The following SPATA17 variants were observed in gnomAD, a reference collection of about 807,000 sequenced individuals.
SPATA17 encodes spermatogenesis associated 17.
Under a neutral mutation model 62.2 loss-of-function variants are expected in SPATA17, and 53 were observed. The observed-to-expected ratio is 0.85, with a 90% CI of 0.68 to 1.07. The LOEUF is 1.07. SPATA17 is among the 50% of genes least tolerant of loss of function. The pLI, the probability that SPATA17 is intolerant of heterozygous loss-of-function variation, is 0.00. For synonymous variants in SPATA17, 146 were observed against 146.8 expected (o/e 0.99, Z 0.04); for missense variants, 466 against 425.5 (o/e 1.10, Z -0.84).
At chr1:217,789,674 A>C (rs1673952377) in intron 8 of SPATA17, among the ~76,000 whole-genome samples, 1 of 152,212 alleles carries the variant, frequency 6.6e-6, no homozygotes, top group Non-Finnish European at 1.5e-5. Context: ...AGGAGCTTAC[A>C]GATGGTAGGT....
At chr1:217,761,987 A>G (rs775674417) in intron 6 of SPATA17, among the ~76,000 whole-genome samples, 2 of 152,156 alleles carry the variant, frequency 1.3e-5, no homozygotes, top group Non-Finnish European at 2.9e-5. Flanking sequence ...CTCCGTCCTC[A>G]TGCTGTTCCA....
chr1:217,801,836 T>C lies in SPATA17; in HGVS notation c.991T>C (p.Trp331Arg). The change falls in exon 9 of 11, where the codon TGG becomes CGG. Residue 331 changes from tryptophan to arginine, a missense_variant. Physicochemically the swap from Trp to Arg is moderately radical, Grantham distance 101. Transcript: ENST00000366933. The stretch of plus-strand genomic sequence containing the variant: ...ATTCCGAAGTGAAAATCCTAAGAAA[T>C]GGATCTGTGACAAGGTGAGTTAACA... ...EQFRSENPKK[W>R]ICDKDFQTVL... The C allele has an allele frequency of 5.0e-6, 8 of 1,607,708 alleles. No individual in the cohort carries two copies. The highest frequency in any genetic ancestry group is 6.8e-6 in the Non-Finnish European group (8 of 1,178,312).
At chr1:217,689,407 A>G (rs1048347232) in intron 5 of SPATA17, among the ~76,000 whole-genome samples, 2 of 151,344 alleles carry the variant, frequency 1.3e-5, no homozygotes, top group Non-Finnish European at 2.9e-5. Context: ...CATATTTTTA[A>G]TAGAGATGGG....
chr1:217,660,426 G>T (rs957970606), intron 3 of SPATA17, among the ~76,000 whole-genome samples: 1 of 152,176 alleles, frequency 6.6e-6, no homozygotes, highest in Admixed American at 6.5e-5. Context: ...CTGGATAAAT[G>T]ATTCACAGGG....
Position 217,721,075 on chromosome 1 carries a change from A to G in SPATA17, c.396-20900A>G, listed in dbSNP as rs559921666. On this transcript the variant is annotated intron_variant, in intron 5 of 10. Transcript: ENST00000366933. Reference sequence around the variant, plus strand: ...TTTATAGATAAGGCATCACACTCAGATGTACCATGAACTATAACAACTTTT... The same window carrying G: ...TTTATAGATAAGGCATCACACTCAGGTGTACCATGAACTATAACAACTTTT... 1.4e-3 allele frequency among the ~76,000 whole-genome samples: 218 copies of G among 152,336 alleles called. 1 individual carries two copies. Among genetic ancestry groups the G allele is most frequent in the African/African-American group, 4.9e-3 (202 of 41,590 alleles).
intron 6 of SPATA17, among the ~76,000 whole-genome samples, chr1:217,758,411 A>G (rs1039497783): frequency 6.6e-6 from 1 of 152,206 alleles, no homozygotes; most frequent in African/African-American, 2.4e-5. Context: ...AACAGCTGAA[A>G]GGTACTAAAG....
chr1:217,702,184 A>G (rs1571742585), intron 5 of SPATA17, among the ~76,000 whole-genome samples: 1 of 152,186 alleles, frequency 6.6e-6, no homozygotes, highest in East Asian at 1.9e-4. Context: ...TTTTTAACTA[A>G]CTTAACATGT....
chr1:217,651,456 T>A (rs1234780580), intron 3 of SPATA17, among the ~76,000 whole-genome samples: 2 of 152,220 alleles, frequency 1.3e-5, no homozygotes, highest in East Asian at 3.9e-4. Flanking sequence ...TATTGATGGT[T>A]ATCTGTACTT....
At chr1:217,714,333 G>GTC (rs1671947005) in intron 5 of SPATA17, among the ~76,000 whole-genome samples, 1 of 151,770 alleles carries the variant, frequency 6.6e-6, no homozygotes, top group African/African-American at 2.4e-5. Context: ...AGGTTGCAGT[G>GTC]AGCCGAGAAT....
intron 9 of SPATA17, among the ~76,000 whole-genome samples, chr1:217,820,951 T>C (rs1204176234): frequency 1.3e-5 from 2 of 152,006 alleles, no homozygotes; most frequent in Non-Finnish European, 2.9e-5. Flanking sequence ...TTGTGCTGCA[T>C]TAAAACATGG....
chr1:217,828,645 A>G (rs994866345), intron 9 of SPATA17, among the ~76,000 whole-genome samples: 2 of 151,956 alleles, frequency 1.3e-5, no homozygotes, highest in Non-Finnish European at 2.9e-5. Flanking sequence ...GGAAACAATC[A>G]ACAACATGAA....
At chr1:217,854,716 A>G (rs1315386691) in intron 9 of SPATA17, among the ~76,000 whole-genome samples, 1 of 152,122 alleles carries the variant, frequency 6.6e-6, no homozygotes, top group Non-Finnish European at 1.5e-5. Context: ...AAAGTTTTCC[A>G]TGTGTGTACT....
In SPATA17 at chr1:217,641,765, C is replaced by A. The variant is rs80307390; in HGVS notation, c.69-7117C>A. Among the ~76,000 whole-genome samples the A allele has an allele frequency of 8.1e-3, 1,231 of 152,184 alleles. 9 individuals carry two copies. Among genetic ancestry groups the A allele is most frequent in the African/African-American group, 0.026 (1,097 of 41,544 alleles). On this transcript the variant is annotated intron_variant, in intron 1 of 10. Transcript: ENST00000366933. ...CATTGTGCCCCAAATTCTTTACACA[C>A]AAGGACATTCTCTATATAACCACAA...
intron 5 of SPATA17, among the ~76,000 whole-genome samples, chr1:217,688,575 C>T (rs193041609): frequency 6.6e-6 from 1 of 152,234 alleles, no homozygotes; most frequent in East Asian, 1.9e-4. Flanking sequence ...AAATGCTCAC[C>T]CATTCTGAAT....
chr1:217,750,957 A>G (rs985686788), intron 6 of SPATA17, among the ~76,000 whole-genome samples: 3 of 152,214 alleles, frequency 2.0e-5, no homozygotes, highest in Admixed American at 6.5e-5. Context: ...TGAGTTGGTC[A>G]TCTACATCTG....
intron 3 of SPATA17, among the ~76,000 whole-genome samples, chr1:217,654,298 C>T (rs535991604): frequency 7.2e-5 from 11 of 151,890 alleles, no homozygotes; most frequent in South Asian, 2.1e-4. Flanking sequence ...CCATCACGCC[C>T]GGCTAATTTT....
chr1:217,854,999 C>T (rs925889068), intron 9 of SPATA17, among the ~76,000 whole-genome samples: 2 of 152,172 alleles, frequency 1.3e-5, no homozygotes, highest in Non-Finnish European at 2.9e-5. Flanking sequence ...TGGCTTTTAG[C>T]AGTTACTCCC....
At chr1:217,645,877 A>G (rs1284478326) in intron 1 of SPATA17, among the ~76,000 whole-genome samples, 3 of 152,166 alleles carry the variant, frequency 2.0e-5, no homozygotes. Context: ...TCTGCACAGT[A>G]TTTAACATTG....
intron 9 of SPATA17, among the ~76,000 whole-genome samples, chr1:217,843,706 G>A (rs1294984617): frequency 6.6e-6 from 1 of 152,056 alleles, no homozygotes; most frequent in Non-Finnish European, 1.5e-5. Flanking sequence ...TAGCGCAAAA[G>A]CAGCCATAGA....
Sources: allele counts gnomAD v4.1 joint callset (sites outside exome capture counted in the v4.1 genomes callset), GRCh38; gene constraint gnomAD v4.1.1; transcripts MANE v1.5; gene names NCBI Gene and HGNC (gene_info 2026-07-23, HGNC 2026-07-21).